ANKRD12: variants seen among roughly 807,000 people sequenced by gnomAD.
ANKRD12 encodes the protein ankyrin repeat domain-containing protein 12.
A neutral mutation model predicts 183.4 loss-of-function variants in ANKRD12; 85 were observed. The observed-to-expected ratio is 0.46, with a 90% CI of 0.39 to 0.56. The LOEUF (loss-of-function observed/expected upper bound fraction) is 0.56, where lower values mean the gene tolerates loss of function less well. Among genes scored for constraint, ANKRD12 ranks in the 20% least tolerant of loss-of-function variants. The probability of loss-of-function intolerance (pLI) is 0.00; values close to 1 mark genes in which losing one functional copy is unlikely to be tolerated. For missense variants in ANKRD12, 2,405 were observed against 2,357.1 expected (o/e 1.02, Z -0.42); for synonymous variants, 914 against 800.2 (o/e 1.14, Z -2.40).
At position 9,256,826 on chromosome 18, in the gene ANKRD12, A is replaced by G. The variant is rs1382644911; in HGVS notation, c.3559A>G (p.Asn1187Asp). The change falls in exon 9 of 13, where the codon AAC (asparagine) becomes GAC (aspartate). Residue 1187 changes from asparagine (N) to aspartate (D), a missense_variant. By Grantham distance (23) the Asn-to-Asp change is conservative (BLOSUM62 1). Coordinates refer to ENST00000262126, the MANE Select transcript of ANKRD12 (RefSeq NM_015208.5). ...KSSFVSDNSL[N>D]RSPRSENEKP... ...ATCTTTTGTTTCAGATAATAGCTTA[A>G]ACAGGTCTCCTAGATCAGAAAATGA... 3.1e-6 allele frequency: 5 copies of G among 1,613,932 alleles called. No homozygotes were observed. Among genetic ancestry groups the G allele is most frequent in the Non-Finnish European group, 3.4e-6 (4 of 1,179,988 alleles).
chr18:9,250,978 G>T (rs977105803), intron 8 of ANKRD12, among the ~76,000 whole-genome samples: 1 of 151,904 alleles, frequency 6.6e-6, no homozygotes, highest in African/African-American at 2.4e-5. Context: ...TTGACTAGAA[G>T]TTTTTTGTTT....
chr18:9,202,834 A>G (rs1489718560), intron 3 of ANKRD12, among the ~76,000 whole-genome samples: 1 of 152,210 alleles, frequency 6.6e-6, no homozygotes, highest in African/African-American at 2.4e-5. Flanking sequence ...TTTATAGACT[A>G]TTCAGATGCC....
In ANKRD12 at chr18:9,255,051, C is replaced by A; in HGVS notation, c.1784C>A (p.Ser595Ter). The A allele has an allele frequency of 1.3e-6, 2 of 1,591,016 alleles. No individual in the cohort carries two copies. The highest frequency in any genetic ancestry group is 2.3e-5 in the South Asian group (2 of 86,066). Residue 595 changes from serine (S) to a stop codon, truncating the protein, a stop_gained, in exon 9 of 13, where the codon TCA becomes TAA. Coordinates refer to ENST00000262126, the MANE Select transcript of ANKRD12 (RefSeq NM_015208.5). LOFTEE classifies it high-confidence loss of function. ...NTESEFLPES[S>*]SVKSCKHKEK... ...GAATCTGAATTCTTGCCAGAAAGTT[C>A]AAGTGTAAAATCTTGTAAGCATAAG...
intron 2 of ANKRD12, among the ~76,000 whole-genome samples, chr18:9,187,953 TATA>T (rs1224798394): frequency 6.6e-6 from 1 of 152,206 alleles, no homozygotes; most frequent in Non-Finnish European, 1.5e-5. Context: ...ATCCAAGTAT[TATA>T]ATACATGTTT....
At chr18:9,273,146 G>A (rs1038172789) in intron 10 of ANKRD12, among the ~76,000 whole-genome samples, 18 of 152,138 alleles carry the variant, frequency 1.2e-4, no homozygotes, top group African/African-American at 4.1e-4. Context: ...TGATACTTAG[G>A]CCAAAGAATA....
At chr18:9,141,042 T>C (rs144221180) in intron 1 of ANKRD12, among the ~76,000 whole-genome samples, 3,415 of 152,236 alleles carry the variant, frequency 0.022, 65 homozygotes, top group South Asian at 0.056. Flanking sequence ...ATTAAGAGTG[T>C]TGGTTTTCGA....
At chr18:9,259,436 CAT>C (rs1432412189) in intron 9 of ANKRD12, 5 of 151,200 alleles carry the variant, frequency 3.3e-5, no homozygotes, top group Middle Eastern at 3.4e-3. Flanking sequence ...AACATAGACA[CAT>C]TTATGTGTTT....
At chr18:9,185,849 A>C (rs112650060) in intron 2 of ANKRD12, among the ~76,000 whole-genome samples, 3 of 152,246 alleles carry the variant, frequency 2.0e-5, no homozygotes, top group Non-Finnish European at 4.4e-5. Context: ...AGATGAGGCC[A>C]TTGAAACATT....
intron 1 of ANKRD12, among the ~76,000 whole-genome samples, chr18:9,143,292 A>G (rs570260296): frequency 1.3e-5 from 2 of 152,336 alleles, no homozygotes; most frequent in Admixed American, 1.3e-4. Flanking sequence ...ATAAGTTATA[A>G]AAATGTTAAG....
intron 9 of ANKRD12, among the ~76,000 whole-genome samples, chr18:9,262,848 G>T (rs2039061280): frequency 7.8e-6 from 1 of 127,644 alleles, no homozygotes; most frequent in Non-Finnish European, 1.6e-5. Context: ...ACCCAGGCTG[G>T]AATGCAGTGG....
At chr18:9,154,532 G>A (rs2030094830) in intron 1 of ANKRD12, among the ~76,000 whole-genome samples, 1 of 152,162 alleles carries the variant, frequency 6.6e-6, no homozygotes, top group South Asian at 2.1e-4. Context: ...AGGCCAGCCT[G>A]GGCAACATAG....
intron 10 of ANKRD12, among the ~76,000 whole-genome samples, chr18:9,268,890 A>G (rs967038733): frequency 5.3e-5 from 8 of 152,200 alleles, no homozygotes; most frequent in African/African-American, 1.9e-4. Context: ...CTCAGCCCCA[A>G]ATCTCCTTAA....
chr18:9,137,711 C>A (rs751576325), intron 1 of ANKRD12: 1 of 152,264 alleles, frequency 6.6e-6, no homozygotes, highest in Non-Finnish European at 1.5e-5. Context: ...AATAACCTTG[C>A]CGCATTGGAC....
At chr18:9,149,184 C>G (rs1260267344) in intron 1 of ANKRD12, among the ~76,000 whole-genome samples, 1 of 152,126 alleles carries the variant, frequency 6.6e-6, no homozygotes, top group Non-Finnish European at 1.5e-5. Flanking sequence ...TGTCTTTTTT[C>G]TGTTAAAAAC....
At chr18:9,193,404 C>T (rs1371199783) in intron 2 of ANKRD12, among the ~76,000 whole-genome samples, 5 of 152,106 alleles carry the variant, frequency 3.3e-5, no homozygotes, top group African/African-American at 1.2e-4. Flanking sequence ...CCTCTGCCTC[C>T]CAAAGTGCTA....
At position 9,225,129 on chromosome 18, in the gene ANKRD12, G is replaced by C. The variant is rs1042883747; in HGVS notation, c.943+3130G>C. On this transcript the variant is annotated intron_variant, in intron 8 of 12. Transcript: ENST00000262126. Reference sequence around the variant, plus strand: ...ATTTTTAAAAAGACAAAAGGCTTGTGAACTATTTGAATAAATAAACAATAT... The same window carrying C: ...ATTTTTAAAAAGACAAAAGGCTTGTCAACTATTTGAATAAATAAACAATAT... 9.9e-5 allele frequency among the ~76,000 whole-genome samples: 3 copies of C among 30,432 alleles called. 1 individual carries two copies. Among genetic ancestry groups the C allele is most frequent in the Non-Finnish European group, 3.0e-4 (3 of 9,864 alleles). 20.0% of individuals were successfully genotyped at this position (30,432 alleles called of 152,430 possible).
At chr18:9,189,362 C>T (rs1038922353) in intron 2 of ANKRD12, among the ~76,000 whole-genome samples, 1 of 152,160 alleles carries the variant, frequency 6.6e-6, no homozygotes. Flanking sequence ...CATAAAAGTG[C>T]AAGGTGAAGC....
intron 8 of ANKRD12, among the ~76,000 whole-genome samples, chr18:9,247,782 T>TTTG (rs2038051253): frequency 1.3e-5 from 2 of 151,312 alleles, no homozygotes; most frequent in Non-Finnish European, 1.5e-5. Flanking sequence ...TTTTGGGGTT[T>TTTG]TTTTGTTTTG....
chr18:9,158,616 G>A (rs2030949011), intron 1 of ANKRD12, among the ~76,000 whole-genome samples: 1 of 152,138 alleles, frequency 6.6e-6, no homozygotes, highest in South Asian at 2.1e-4. Context: ...ACATGACTTA[G>A]CACTATTAGC....
Sources: gnomAD v4.1 joint callset for allele counts (sites outside exome capture counted in the v4.1 genomes callset) on GRCh38, gnomAD v4.1.1 for gene constraint, MANE v1.5 for transcripts, NCBI Gene and HGNC (gene_info 2026-07-23, HGNC 2026-07-21) for gene names.